LCORL: variants seen among roughly 807,000 people sequenced by gnomAD.
LCORL encodes the protein ligand-dependent nuclear receptor corepressor-like protein.
In LCORL, 41 loss-of-function variants were observed where a neutral mutation model predicts 141.8. That is an observed-to-expected ratio of 0.29 (90% CI 0.23 to 0.38). The LOEUF (loss-of-function observed/expected upper bound fraction) is 0.38. LCORL is among the 10% of genes least tolerant of loss of function. The pLI is 1.00. For synonymous variants in LCORL, 618 were observed against 694.1 expected, an observed-to-expected ratio of 0.89 and a Z score of 1.72; for missense variants, 1,759 against 2,035.0, an observed-to-expected ratio of 0.86 and a Z score of 2.61.
chr4:17,962,646 A>G (rs537065109), intron 3 of LCORL, among the ~76,000 whole-genome samples: 1 of 152,036 alleles, frequency 6.6e-6, no homozygotes, highest in African/African-American at 2.4e-5. Context: ...GTCTCAGACC[A>G]AAGTAGGCCT....
At chr4:17,945,685 A>C (rs1577502761) in intron 4 of LCORL, among the ~76,000 whole-genome samples, 2 of 152,004 alleles carry the variant, frequency 1.3e-5, no homozygotes, top group African/African-American at 4.8e-5. Flanking sequence ...ACTACAATCA[A>C]ATTAGTCTTA....
intron 4 of LCORL, among the ~76,000 whole-genome samples, chr4:17,921,386 A>G (rs891395524): frequency 6.6e-6 from 1 of 152,130 alleles, no homozygotes; most frequent in African/African-American, 2.4e-5. Flanking sequence ...TTTTCAATTT[A>G]CCTTGTCCAG....
At chr4:17,889,522 G>C (rs1243874953) in intron 5 of LCORL, among the ~76,000 whole-genome samples, 2 of 151,954 alleles carry the variant, frequency 1.3e-5, no homozygotes. Flanking sequence ...AAGAATTTTA[G>C]ATCAATTTTA....
chr4:17,961,759 T>TA, intron 4 of LCORL, 144 bp downstream of exon 4: 1 of 590,590 alleles, frequency 1.7e-6, no homozygotes, highest in Non-Finnish European at 2.8e-6. Flanking sequence ...CTACTGTCCC[T>TA]AAAAATATAA....
intron 4 of LCORL, among the ~76,000 whole-genome samples, chr4:17,927,388 A>G (rs1735316562): frequency 6.6e-6 from 1 of 152,202 alleles, no homozygotes; most frequent in Admixed American, 6.5e-5. Context: ...TTTATTATTC[A>G]TGTATTCACC....
intron 5 of LCORL, among the ~76,000 whole-genome samples, chr4:17,902,983 A>C (rs1174098261): frequency 6.6e-6 from 1 of 152,112 alleles, no homozygotes; most frequent in Non-Finnish European, 1.5e-5. Context: ...AATGTTCCAC[A>C]TGGCATTTTA....
chr4:17,962,011 A>G, exon 4 of LCORL: 1 of 1,607,292 alleles, frequency 6.2e-7, no homozygotes, highest in South Asian at 1.1e-5. Flanking sequence ...GACTGTGAAG[A>G]ATCAAGAGAT....
intron 5 of LCORL, among the ~76,000 whole-genome samples, chr4:17,898,178 AG>A (rs1730284440): frequency 6.6e-6 from 1 of 152,156 alleles, no homozygotes; most frequent in Non-Finnish European, 1.5e-5. Flanking sequence ...AAAAGGTTTA[AG>A]GGTTCCTTAA....
intron 1 of LCORL, among the ~76,000 whole-genome samples, chr4:18,006,353 T>C (rs1722811919): frequency 6.6e-6 from 1 of 152,076 alleles, no homozygotes; most frequent in African/African-American, 2.4e-5. Flanking sequence ...AAGTTCCAAA[T>C]TTTCCCACAT....
intron 7 of LCORL, among the ~76,000 whole-genome samples, chr4:17,858,353 C>T (rs946197146): frequency 2.6e-5 from 4 of 151,424 alleles, no homozygotes; most frequent in South Asian, 2.1e-4. Flanking sequence ...AAGTGAATCG[C>T]GTATCAGTGA....
chr4:17,856,666 C>T (rs1204033910), intron 7 of LCORL, among the ~76,000 whole-genome samples: 1 of 152,164 alleles, frequency 6.6e-6, no homozygotes, highest in Non-Finnish European at 1.5e-5. Flanking sequence ...TCCTACTTTA[C>T]TTGGATAATA....
intron 4 of LCORL, among the ~76,000 whole-genome samples, chr4:17,928,497 T>G (rs1203090262): frequency 6.6e-6 from 1 of 152,112 alleles, no homozygotes; most frequent in East Asian, 1.9e-4. Flanking sequence ...CTACATAATC[T>G]CCATACATGT....
Position 18,021,217 on chromosome 4 carries a change from G to A in LCORL, c.154+381C>T, listed in dbSNP as rs906551301. Among the ~76,000 whole-genome samples, 2 of 152,058 alleles carry A rather than the reference G, an allele frequency of 1.3e-5. No homozygotes were observed. The highest frequency in any genetic ancestry group is 2.9e-5 in the Non-Finnish European group (2 of 67,990). Reference sequence around the variant, plus strand: ...CCGCCCTGCCCGCCGGCTCTCCTCCGCCAGGGCGCCGACCCACCGGGCCGC... The same window carrying A: ...CCGCCCTGCCCGCCGGCTCTCCTCCACCAGGGCGCCGACCCACCGGGCCGC... On this transcript the variant is annotated intron_variant, in intron 1 of 7. Coordinates refer to ENST00000635767, the Ensembl canonical transcript of LCORL. This position sits in a 1 kb window ranked among gnomAD's most constrained non-coding sequence, Gnocchi z 5.5.
rs769558620 is a variant in LCORL, at chr4:18,011,173, A to G, written c.154+10425T>C. On this transcript the variant is annotated intron_variant, in intron 1 of 7. Coordinates refer to ENST00000635767, the Ensembl canonical transcript of LCORL. ...AAGCTATTCCTCTAACCTGGCCTGT[A>G]TCGGTAATAGAAAGATTATTTTGGC... 3.7e-4 allele frequency among the ~76,000 whole-genome samples: 57 copies of G among 152,174 alleles called. 1 individual carries two copies. The highest frequency in any genetic ancestry group is 1.0e-4 in the Non-Finnish European group (7 of 68,040).
At chr4:18,016,483 A>C (rs181558630) in intron 1 of LCORL, among the ~76,000 whole-genome samples, 311 of 152,284 alleles carry the variant, frequency 2.0e-3, no homozygotes, top group Non-Finnish European at 3.6e-3. Context: ...GTATCATGGT[A>C]ATCAAGAGTT....
chr4:17,874,869 T>C, exon 7 of LCORL: 1 of 1,233,780 alleles, frequency 8.1e-7, no homozygotes, highest in Non-Finnish European at 1.0e-6. Context: ...GTGCCTATGT[T>C]TTTCCTTCTG....
intron 1 of LCORL, among the ~76,000 whole-genome samples, chr4:18,019,597 T>G (rs1164572230): frequency 6.6e-6 from 1 of 152,230 alleles, no homozygotes; most frequent in Non-Finnish European, 1.5e-5. Context: ...CAATGAATTG[T>G]GTTTCATTTA....
Position 17,897,267 on chromosome 4 carries a change from C to T in LCORL, c.683-11106G>A, listed in dbSNP as rs532070143. On this transcript the variant is annotated intron_variant, in intron 5 of 7. Transcript: ENST00000635767. The stretch of plus-strand genomic sequence containing the variant: ...TTTTTTTTTTAGGGTATATACCTAG[C>T]AATGGGATTGCTGGATCATATAGTG... 8.2e-5 allele frequency among the ~76,000 whole-genome samples: 8 copies of T among 97,944 alleles called. No homozygotes were observed. In the South Asian group the frequency reaches 1.9e-3, roughly 23 times the overall value. 64.3% of individuals were successfully genotyped at this position (97,944 alleles called of 152,430 possible).
At chr4:17,944,828 T>C (rs917351188) in intron 4 of LCORL, among the ~76,000 whole-genome samples, 1 of 152,158 alleles carries the variant, frequency 6.6e-6, no homozygotes, top group Non-Finnish European at 1.5e-5. Context: ...TAAAATACTT[T>C]AGACTGGATA....
Sources: allele counts gnomAD v4.1 joint callset (sites outside exome capture counted in the v4.1 genomes callset), GRCh38; gene constraint gnomAD v4.1.1; non-coding constraint Gnocchi (gnomAD v3.1); transcripts MANE v1.5; gene names NCBI Gene and HGNC (gene_info 2026-07-23, HGNC 2026-07-21).